The following PARM1 variants were observed in gnomAD, a reference collection of about 807,000 sequenced individuals.
PARM1 encodes WSC4, cell wall integrity and stress response component 4 homolog.
Under a neutral mutation model 24.6 loss-of-function variants are expected in PARM1, and 14 were observed. The ratio of observed to expected loss-of-function variants is 0.57; its 90% CI spans 0.38 to 0.89. The LOEUF (loss-of-function observed/expected upper bound fraction) is 0.89, where lower values mean the gene tolerates loss of function less well. Ranked by LOEUF, PARM1 falls within the 40% of genes least tolerant of loss-of-function variation. The probability of loss-of-function intolerance (pLI) is 0.00; values close to 1 mark genes in which losing one functional copy is unlikely to be tolerated. For missense variants in PARM1, 362 were observed against 380.4 expected (o/e 0.95, Z 0.40); for synonymous variants, 179 against 156.6 (o/e 1.14, Z -1.07).
intron 1 of PARM1, among the ~76,000 whole-genome samples, chr4:74,971,165 T>C (rs1394619222): frequency 6.6e-6 from 1 of 152,188 alleles, no homozygotes; most frequent in Non-Finnish European, 1.5e-5. Context: ...TTTAATGGAC[T>C]CACAGTTCCA....
At chr4:74,993,297 A>C (rs532651259) in intron 1 of PARM1, among the ~76,000 whole-genome samples, 1 of 152,258 alleles carries the variant, frequency 6.6e-6, no homozygotes, top group Non-Finnish European at 1.5e-5. Context: ...CTTCCATTCA[A>C]AGATCACCAG....
chr4:75,047,259 T>G lies in PARM1; in HGVS notation c.*1012T>G, dbSNP rs1255264797. On this transcript the variant is annotated 3_prime_UTR_variant, in exon 4 of 4. Transcript: ENST00000307428. The stretch of plus-strand genomic sequence containing the variant: ...CACTGCTTTACTGTCTGTTGGATAA[T>G]GGCTGTAAAATGTTTAAAAACAAAA... 2 of 152,208 alleles carry G rather than the reference T, an allele frequency of 1.3e-5. No homozygotes were observed. Among genetic ancestry groups the G allele is most frequent in the African/African-American group, 4.8e-5 (2 of 41,450 alleles). The allele number at this position is 152,208 out of a possible 1,614,324, so 9.4% of individuals were successfully genotyped here.
intron 3 of PARM1, among the ~76,000 whole-genome samples, chr4:75,043,688 C>T (rs1723543388): frequency 6.6e-6 from 1 of 152,162 alleles, no homozygotes; most frequent in Non-Finnish European, 1.5e-5. Flanking sequence ...CGGATTTTAA[C>T]TTGTTCATTC....
chr4:75,012,433 G>A lies in PARM1; in HGVS notation c.52G>A (p.Val18Ile). 1.9e-6 allele frequency: 3 copies of A among 1,613,682 alleles called. No homozygotes were observed. Among genetic ancestry groups the A allele is most frequent in the Non-Finnish European group, 2.5e-6 (3 of 1,179,704 alleles). The stretch of plus-strand genomic sequence containing the variant: ...TACTGGCTTTTCCACAGGATGGAGG[G>A]TACAGAGTCTGCCTACATCAGCTCC... ...ALCILTAGWR[V>I]QSLPTSAPLS... Residue 18 changes from valine (V) to isoleucine (I), a missense_variant, in exon 2 of 4, where the codon GTA (valine) becomes ATA (isoleucine). Val to Ile is a conservative substitution (Grantham distance 29, BLOSUM62 3). Coordinates refer to ENST00000307428, the MANE Select transcript of PARM1 (RefSeq NM_015393.4).
At chr4:75,004,148 C>T (rs11098369) in intron 1 of PARM1, among the ~76,000 whole-genome samples, 47,724 of 152,096 alleles carry the variant, frequency 0.31, 9,632 homozygotes, top group African/African-American at 0.57. Context: ...ACAGGGAGGA[C>T]ACATTTCTGC....
chr4:74,973,342 A>T (rs887893661), intron 1 of PARM1, among the ~76,000 whole-genome samples: 1 of 152,206 alleles, frequency 6.6e-6, no homozygotes, highest in African/African-American at 2.4e-5. Flanking sequence ...ATTTCCAACA[A>T]ATATGAACAG....
rs1398463301 is a variant in PARM1 at position 75,012,722 on chromosome 4, G to A, written c.341G>A (p.Gly114Asp). ...CCTTCTGGGTTCTCGTCAACAAGCG[G>A]TGGAGTCCACTTAACAACCACGTTG... The part of the protein sequence containing the change: ...PSPSGFSSTS[G>D]GVHLTTTLEE... The change falls in exon 2 of 4, where the codon GGT (glycine) becomes GAT (aspartate). Residue 114 changes from glycine to aspartate, a missense_variant. Coordinates refer to ENST00000307428, the MANE Select transcript of PARM1 (RefSeq NM_015393.4). 1.2e-6 allele frequency: 2 copies of A among 1,613,848 alleles called. No individual in the cohort carries two copies. The highest frequency in any genetic ancestry group is 2.2e-5 in the East Asian group (1 of 44,894).
intron 1 of PARM1, among the ~76,000 whole-genome samples, chr4:74,972,599 G>A (rs140423932): frequency 2.6e-5 from 4 of 152,274 alleles, no homozygotes; most frequent in Middle Eastern, 3.4e-3. Context: ...GCTGTAAATA[G>A]CTTCTTGGAA....
chr4:74,953,776 C>CCCA (rs147945415), intron 1 of PARM1, among the ~76,000 whole-genome samples: 2,146 of 152,108 alleles, frequency 0.014, 19 homozygotes, highest in Middle Eastern at 0.031. Context: ...AAAAGCGATC[C>CCCA]CCACCACCAC....
intron 1 of PARM1, among the ~76,000 whole-genome samples, chr4:74,940,567 C>G (rs540009096): frequency 1.1e-4 from 16 of 152,260 alleles, no homozygotes; most frequent in Non-Finnish European, 2.2e-4. Context: ...CCTAAAGACC[C>G]CACCTCCTAA....
intron 1 of PARM1, among the ~76,000 whole-genome samples, chr4:74,955,704 C>T (rs1042653798): frequency 5.9e-5 from 9 of 152,218 alleles, no homozygotes; most frequent in African/African-American, 2.2e-4. Flanking sequence ...GAATTCATCT[C>T]ACCCTCAGAT....
chr4:74,973,600 A>C (rs941999538), intron 1 of PARM1, among the ~76,000 whole-genome samples: 2 of 152,124 alleles, frequency 1.3e-5, no homozygotes, highest in African/African-American at 2.4e-5. Flanking sequence ...TTGAATACAA[A>C]GTCCTGTCCT....
chr4:74,969,159 G>A lies in PARM1; in HGVS notation c.43+35789G>A, dbSNP rs1721970603. Among the ~76,000 whole-genome samples the A allele has an allele frequency of 7.2e-5, 11 of 152,150 alleles. No individual in the cohort carries two copies. In the South Asian group the frequency reaches 2.3e-3, roughly 32 times the overall value. ...TCCTGGCAATGAGGGAGAGGGTGCG[G>A]AAGGGCAGCCGACATCCCCTACTCT... is the stretch of plus-strand genomic sequence containing the variant. On this transcript the variant is annotated intron_variant, in intron 1 of 3. Coordinates refer to ENST00000307428, the MANE Select transcript of PARM1 (RefSeq NM_015393.4).
chr4:75,041,726 C>T (rs1449491587), intron 3 of PARM1, among the ~76,000 whole-genome samples: 1 of 152,136 alleles, frequency 6.6e-6, no homozygotes, highest in Non-Finnish European at 1.5e-5. Context: ...CCATTTGTCA[C>T]CAACAAGTGG....
chr4:75,040,898 G>C (rs12509971), intron 3 of PARM1, among the ~76,000 whole-genome samples: 66,258 of 151,824 alleles, frequency 0.44, 15,084 homozygotes, highest in East Asian at 0.73. Context: ...TGGCTCATCC[G>C]TCATCTCCTC....
At chr4:74,963,384 G>T (rs1301921916) in intron 1 of PARM1, among the ~76,000 whole-genome samples, 3 of 152,102 alleles carry the variant, frequency 2.0e-5, no homozygotes, top group Admixed American at 6.5e-5. Context: ...ATTCTCAATA[G>T]CCAAAATATA....
chr4:75,007,229 G>A lies in PARM1; in HGVS notation c.44-5196G>A, dbSNP rs529769095. Among the ~76,000 whole-genome samples, 4 of 152,264 alleles carry A rather than the reference G, an allele frequency of 2.6e-5. No individual in the cohort carries two copies. The South Asian group carries it at 8.3e-4, about 32-fold the overall frequency. ...TCATTAAAAAGTCAGGAAACAACAG[G>A]TGCTGGAGAGGATGTGGAGAAATAG... On this transcript the variant is annotated intron_variant, in intron 1 of 3. Coordinates refer to ENST00000307428, the MANE Select transcript of PARM1 (RefSeq NM_015393.4).
intron 2 of PARM1, among the ~76,000 whole-genome samples, chr4:75,018,880 G>A (rs1472975182): frequency 6.6e-6 from 1 of 152,210 alleles, no homozygotes; most frequent in African/African-American, 2.4e-5. Flanking sequence ...CCAAAGCCAA[G>A]TGTTCCTTTC....
chr4:75,022,970 T>C lies in PARM1; in HGVS notation c.769+9820T>C, dbSNP rs150701261. ...CCCCTCAGGTCCTAGGAGAGAAAAA[T>C]ATTGGCCAAAAGAGATGATATTTTA... is the stretch of plus-strand genomic sequence containing the variant. On this transcript the variant is annotated intron_variant, in intron 2 of 3. Coordinates refer to ENST00000307428, the MANE Select transcript of PARM1 (RefSeq NM_015393.4). Among the ~76,000 whole-genome samples, 1,322 of 152,202 alleles carry C rather than the reference T, an allele frequency of 8.7e-3. 3 individuals are homozygous for C. The highest frequency in any genetic ancestry group is 0.013 in the Non-Finnish European group (861 of 68,018).
Sources: allele counts gnomAD v4.1 joint callset (sites outside exome capture counted in the v4.1 genomes callset), GRCh38; gene constraint gnomAD v4.1.1; transcripts MANE v1.5; gene names NCBI Gene and HGNC (gene_info 2026-07-23, HGNC 2026-07-21).